EGFLAM: variants seen among roughly 807,000 people sequenced by gnomAD.
The protein encoded by EGFLAM is EGF like, fibronectin type III and laminin G domains.
A neutral mutation model predicts 113.1 loss-of-function variants in EGFLAM; 79 were observed. The ratio of observed to expected loss-of-function variants is 0.70; its 90% CI spans 0.58 to 0.84. The LOEUF is 0.84. Ranked by LOEUF, EGFLAM falls within the 40% of genes least tolerant of loss-of-function variation. EGFLAM has a pLI of 0.00. For synonymous variants in EGFLAM, 504 were observed against 487.6 expected, an observed-to-expected ratio of 1.03 and a Z score of -0.44; for missense variants, 1,265 against 1,291.6, an observed-to-expected ratio of 0.98 and a Z score of 0.32.
intron 2 of EGFLAM, among the ~76,000 whole-genome samples, 164 bp from the exon 3 acceptor site, chr5:38,338,534 C>T (rs1739246080): frequency 6.6e-6 from 1 of 152,156 alleles, no homozygotes; most frequent in Non-Finnish European, 1.5e-5. Flanking sequence ...TTGCAACACC[C>T]CCCACCCAAC....
chr5:38,391,717 T>C (rs990374380), intron 6 of EGFLAM, among the ~76,000 whole-genome samples: 3 of 152,144 alleles, frequency 2.0e-5, no homozygotes, highest in Admixed American at 6.6e-5. Context: ...TTTTAATTTC[T>C]ACCACTTTAT....
At chr5:38,297,196 A>G (rs1241259796) in intron 1 of EGFLAM, among the ~76,000 whole-genome samples, 1 of 152,216 alleles carries the variant, frequency 6.6e-6, no homozygotes, top group African/African-American at 2.4e-5. Flanking sequence ...CCATTGTATT[A>G]TGGTTATGTA....
At chr5:38,328,589 C>G (rs1738949179) in intron 1 of EGFLAM, among the ~76,000 whole-genome samples, 1 of 151,982 alleles carries the variant, frequency 6.6e-6, no homozygotes, top group Non-Finnish European at 1.5e-5. Flanking sequence ...ATTCATGTAC[C>G]CTTGTCAGTG....
intron 6 of EGFLAM, among the ~76,000 whole-genome samples, chr5:38,378,912 C>T (rs931018010): frequency 6.6e-6 from 1 of 152,180 alleles, no homozygotes; most frequent in Non-Finnish European, 1.5e-5. Context: ...TATCTGACCA[C>T]TCTTCAAGAT....
At chr5:38,363,866 GTGC>G (rs1739992117) in intron 5 of EGFLAM, among the ~76,000 whole-genome samples, 1 of 152,166 alleles carries the variant, frequency 6.6e-6, no homozygotes, top group African/African-American at 2.4e-5. Flanking sequence ...TAAATATTCT[GTGC>G]TTTGCCAGCT....
intron 6 of EGFLAM, among the ~76,000 whole-genome samples, chr5:38,389,909 T>C (rs961424428): frequency 8.4e-4 from 128 of 152,316 alleles, no homozygotes; most frequent in East Asian, 1.9e-4. Context: ...TTTCTTATTA[T>C]TGTAGGTATG....
intron 5 of EGFLAM, 121 bp from the exon 6 acceptor site, chr5:38,370,175 A>T: frequency 9.9e-7 from 1 of 1,008,526 alleles, no homozygotes; most frequent in Non-Finnish European, 1.4e-6. Context: ...AGGAAATGTT[A>T]ACTTACTTTT....
intron 1 of EGFLAM, among the ~76,000 whole-genome samples, chr5:38,324,891 G>T (rs75112470): frequency 2.0e-5 from 3 of 152,286 alleles, no homozygotes; most frequent in African/African-American, 7.2e-5. Context: ...AGGGTGACTT[G>T]CAGGTTTCTG....
chr5:38,322,804 C>T (rs1329250731), intron 1 of EGFLAM, among the ~76,000 whole-genome samples: 1 of 152,204 alleles, frequency 6.6e-6, no homozygotes, highest in African/African-American at 2.4e-5. Context: ...TGTAGGGTAA[C>T]TGCTCCACAG....
rs1743419754 is a variant in EGFLAM, at chr5:38,464,937, G to A, written c.*951G>A. Reference sequence around the variant, plus strand: ...CAGATTAAAAGGAACATGTGTTACCGAGGTAGGTCACTGTCATTTTTGTTT... The same window carrying A: ...CAGATTAAAAGGAACATGTGTTACCAAGGTAGGTCACTGTCATTTTTGTTT... On this transcript the variant is annotated 3_prime_UTR_variant, in exon 22 of 22. Coordinates refer to ENST00000322350, the MANE Select transcript of EGFLAM (RefSeq NM_152403.4). 1.3e-5 allele frequency: 2 copies of A among 152,174 alleles called. No individual in the cohort carries two copies. Among genetic ancestry groups the A allele is most frequent in the South Asian group, 2.1e-4 (1 of 4,824 alleles). 9.4% of individuals were successfully genotyped at this position (152,174 alleles called of 1,614,324 possible). A position where few individuals can be genotyped will look rare whatever the true frequency, so the allele number is the denominator to read the frequency against.
At chr5:38,306,954 A>G (rs1176951955) in intron 1 of EGFLAM, among the ~76,000 whole-genome samples, 1 of 152,152 alleles carries the variant, frequency 6.6e-6, no homozygotes, top group South Asian at 2.1e-4. Context: ...GGCAGCAAGA[A>G]CCAAGAACCA....
chr5:38,288,485 C>A (rs1409555087), intron 1 of EGFLAM, among the ~76,000 whole-genome samples: 1 of 152,112 alleles, frequency 6.6e-6, no homozygotes, highest in Non-Finnish European at 1.5e-5. Context: ...TGTACTTTAA[C>A]TAGAAAAACT....
intron 11 of EGFLAM, among the ~76,000 whole-genome samples, chr5:38,414,528 T>A (rs1561078540): frequency 6.6e-6 from 1 of 152,132 alleles, no homozygotes; most frequent in African/African-American, 2.4e-5. Flanking sequence ...GAGGTGATGA[T>A]CTTATTCTAT....
intron 1 of EGFLAM, among the ~76,000 whole-genome samples, chr5:38,279,251 T>C (rs1194567499): frequency 1.3e-5 from 2 of 152,190 alleles, no homozygotes; most frequent in Non-Finnish European, 2.9e-5. Flanking sequence ...GAAAAGGGAA[T>C]TTTTATTTAC....
At chr5:38,457,077 A>C (rs1329943657) in intron 19 of EGFLAM, among the ~76,000 whole-genome samples, 2 of 152,238 alleles carry the variant, frequency 1.3e-5, no homozygotes, top group African/African-American at 2.4e-5. Flanking sequence ...GGGAACTGAA[A>C]TAGAAAATAG....
At chr5:38,462,409 G>A (rs781424209) in intron 20 of EGFLAM, among the ~76,000 whole-genome samples, 4 of 152,100 alleles carry the variant, frequency 2.6e-5, no homozygotes, top group Non-Finnish European at 5.9e-5. Flanking sequence ...CGTTTGCTTG[G>A]GGCTTCACCT....
intron 16 of EGFLAM, among the ~76,000 whole-genome samples, chr5:38,435,681 C>T (rs2112219405): frequency 6.6e-6 from 1 of 152,222 alleles, no homozygotes; most frequent in African/African-American, 2.4e-5. Context: ...CCCACCCCTA[C>T]ACTTTAGCAG....
intron 3 of EGFLAM, among the ~76,000 whole-genome samples, chr5:38,343,363 G>A (rs938126551): frequency 2.0e-5 from 3 of 147,732 alleles, no homozygotes; most frequent in South Asian, 2.1e-4. Flanking sequence ...CCGAGATCGC[G>A]CCATTGCACT....
rs934104518 is a variant in EGFLAM, at chr5:38,464,875, G to A, written c.*889G>A. ...CCATTCTCTTTTGGTAAATGTTGACGGCTCAAGAGGATGAATATGAAGCTT... is the reference window on the plus strand; with the variant it reads ...CCATTCTCTTTTGGTAAATGTTGACAGCTCAAGAGGATGAATATGAAGCTT... On this transcript the variant is annotated 3_prime_UTR_variant, in exon 22 of 22. Transcript: ENST00000322350. The A allele has an allele frequency of 6.6e-6, 1 of 152,126 alleles. No individual in the cohort carries two copies. Among genetic ancestry groups the A allele is most frequent in the Admixed American group, 6.6e-5 (1 of 15,266 alleles). 9.4% of individuals were successfully genotyped at this position (152,126 alleles called of 1,614,324 possible).
Sources: allele counts gnomAD v4.1 joint callset (sites outside exome capture counted in the v4.1 genomes callset), GRCh38; gene constraint gnomAD v4.1.1; transcripts MANE v1.5; gene names NCBI Gene and HGNC (gene_info 2026-07-23, HGNC 2026-07-21).